The following NEO1 variants were observed in gnomAD, a reference collection of about 807,000 sequenced individuals.
NEO1 encodes neogenin 1.
NEO1 carries 63 observed loss-of-function variants against 159.7 expected under a neutral mutation model. That is an observed-to-expected ratio of 0.39 (90% confidence interval 0.32 to 0.49). The LOEUF (loss-of-function observed/expected upper bound fraction) is 0.49, where lower values mean the gene tolerates loss of function less well. Ranked by LOEUF, NEO1 falls within the 20% of genes least tolerant of loss-of-function variation. NEO1 has a pLI of 0.85. For synonymous variants in NEO1, 633 were observed against 662.0 expected (o/e 0.96, Z 0.67); for missense variants, 1,615 against 1,831.0 (o/e 0.88, Z 2.15).
At chr15:73,067,219 A>G (rs2068266166) in intron 1 of NEO1, among the ~76,000 whole-genome samples, 1 of 152,132 alleles carries the variant, frequency 6.6e-6, no homozygotes, top group African/African-American at 2.4e-5. Context: ...GTATTCTTTT[A>G]AGTTTCTTTA....
At chr15:73,176,670 A>T (rs758233986) in intron 6 of NEO1, 113 bp downstream of exon 6, 9 of 723,408 alleles carry the variant, frequency 1.2e-5, no homozygotes, top group Non-Finnish European at 1.9e-5. Context: ...TGCAAATGAA[A>T]TAGAAGAATT....
At chr15:73,197,736 A>G (rs1596320001) in intron 7 of NEO1, among the ~76,000 whole-genome samples, 2 of 143,858 alleles carry the variant, frequency 1.4e-5, no homozygotes, top group East Asian at 4.2e-4. Flanking sequence ...GCTGGAGTGC[A>G]GTGGCGCAAT....
In NEO1 at chr15:73,096,516, C is replaced by T. The variant is rs374146196; in HGVS notation, c.131-20024C>T. On this transcript the variant is annotated intron_variant, in intron 1 of 28. Coordinates refer to ENST00000261908, the MANE Select transcript of NEO1 (RefSeq NM_002499.4). ...CAGTCAAGAGCAAAGATCATGGCAA[C>T]GGTTTTTTGGGATGGCCAAGGCATA... Among the ~76,000 whole-genome samples the T allele has an allele frequency of 9.3e-4, 142 of 152,232 alleles. 1 individual carries two copies. The highest frequency in any genetic ancestry group is 3.2e-3 in the African/African-American group (133 of 41,526).
intron 1 of NEO1, among the ~76,000 whole-genome samples, chr15:73,095,670 TTTG>T (rs1351470761): frequency 1.9e-5 from 2 of 105,678 alleles, no homozygotes; most frequent in Non-Finnish European, 4.4e-5. Flanking sequence ...TTAGTCTTTA[TTTG>T]TTTTTTTTTT....
Position 73,301,559 on chromosome 15 carries a change from A to T in NEO1, c.4302+102A>T, listed in dbSNP as rs574788870. On this transcript the variant is annotated intron_variant, in intron 28 of 28. Transcript: ENST00000261908. ...ATAATCTGTGCATACCAGGCCCGCC[A>T]CCCAGAACTATGAAGCAGATACACT... 48 of 1,474,522 alleles carry T rather than the reference A, an allele frequency of 3.3e-5. No homozygotes were observed. The East Asian group carries it at 1.0e-3, about 32-fold the overall frequency. 91.3% of individuals were successfully genotyped at this position (1,474,522 alleles called of 1,614,324 possible). A position where few individuals can be genotyped will look rare whatever the true frequency, so the allele number is the denominator to read the frequency against.
intron 7 of NEO1, among the ~76,000 whole-genome samples, chr15:73,208,252 A>G (rs1027933002): frequency 5.3e-5 from 8 of 152,240 alleles, no homozygotes; most frequent in Non-Finnish European, 1.5e-5. Context: ...AATAGTACGT[A>G]GCAAAGAAGT....
intron 7 of NEO1, among the ~76,000 whole-genome samples, chr15:73,201,033 A>G (rs1268849528): frequency 6.6e-6 from 1 of 151,964 alleles, no homozygotes; most frequent in Non-Finnish European, 1.5e-5. Context: ...CCCCTCTTTC[A>G]TATCTGATAT....
rs138874216 is a variant in NEO1 at position 73,165,780 on chromosome 15, G to A, written c.1016-10623G>A. Among the ~76,000 whole-genome samples the A allele has an allele frequency of 2.6e-4, 39 of 152,314 alleles. No individual in the cohort carries two copies. In the East Asian group the frequency reaches 7.5e-3, roughly 29 times the overall value. On this transcript the variant is annotated intron_variant, in intron 5 of 28. Coordinates refer to ENST00000261908, the MANE Select transcript of NEO1 (RefSeq NM_002499.4). ...GCCGTTTTTACAGTTGAATGCAAAG[G>A]CTTTTTAAAAGAAACCAGTGAGGGC...
upstream of NEO1, chr15:73,052,412 G>GC (rs1182316618): frequency 0.027 from 221 of 8,074 alleles, 18 homozygotes; most frequent in Middle Eastern, 0.5. Flanking sequence ...CCGACCCACC[G>GC]CCCCCCCCCC....
At chr15:73,124,044 G>A (rs2071826286) in intron 3 of NEO1, among the ~76,000 whole-genome samples, 1 of 152,054 alleles carries the variant, frequency 6.6e-6, no homozygotes, top group African/African-American at 2.4e-5. Flanking sequence ...GTGTGTGTGA[G>A]CGCCTGTGCA....
intron 1 of NEO1, among the ~76,000 whole-genome samples, chr15:73,060,086 GATAATAGC>G (rs2067905584): frequency 6.6e-6 from 1 of 151,824 alleles, no homozygotes; most frequent in Non-Finnish European, 1.5e-5. Flanking sequence ...GTCTAGTTAA[GATAATAGC>G]ATTATAATTT....
chr15:73,078,797 C>A (rs765877742), intron 1 of NEO1, among the ~76,000 whole-genome samples: 1 of 152,184 alleles, frequency 6.6e-6, no homozygotes, highest in Admixed American at 6.5e-5. Context: ...GCTGGTTAAC[C>A]TCTCTGTGCT....
intron 2 of NEO1, among the ~76,000 whole-genome samples, chr15:73,120,889 T>C (rs1467919575): frequency 2.0e-5 from 3 of 152,146 alleles, no homozygotes; most frequent in African/African-American, 7.2e-5. Flanking sequence ...GGTGCAAGAA[T>C]AGAACCAAGA....
intron 2 of NEO1, among the ~76,000 whole-genome samples, chr15:73,118,752 G>C (rs537736124): frequency 1.3e-5 from 2 of 152,042 alleles, no homozygotes; most frequent in Admixed American, 6.6e-5. Context: ...CTTGGCCCTA[G>C]GTATCAGGAG....
rs866783974 is a variant in NEO1 at position 73,052,689 on chromosome 15, G to T, written c.14G>T (p.Arg5Leu). ...CTCGGGGAAGAGATGGCGGCGGAGCGGGGAGCCCGGCGACTCCTCAGCACC... is the reference window on the plus strand; with the variant it reads ...CTCGGGGAAGAGATGGCGGCGGAGCTGGGAGCCCGGCGACTCCTCAGCACC... Reference protein sequence around the residue: MAAERGARRLLSTPS... With the variant: MAAELGARRLLSTPS... The change falls in exon 1 of 29, where the codon CGG becomes CTG. Residue 5 changes from arginine to leucine, a missense_variant. Around this residue, in one of 3 missense-constraint regions of NEO1, gnomAD observed 1,018 missense variants for 1,115.4 expected, o/e 0.91. Transcript: ENST00000261908. 2.2e-6 allele frequency: 3 copies of T among 1,355,544 alleles called. No homozygotes were observed. Among genetic ancestry groups the T allele is most frequent in the African/African-American group, 1.5e-5 (1 of 65,562 alleles). The allele number at this position is 1,355,544 out of a possible 1,614,324, so 84.0% of individuals were successfully genotyped here.
At chr15:73,128,523 G>C (rs892823112) in intron 4 of NEO1, among the ~76,000 whole-genome samples, 1 of 152,116 alleles carries the variant, frequency 6.6e-6, no homozygotes, top group Non-Finnish European at 1.5e-5. Context: ...CCAAATGCTG[G>C]CTATGTCATG....
At chr15:73,175,071 A>G (rs1301151718) in intron 5 of NEO1, among the ~76,000 whole-genome samples, 1 of 152,154 alleles carries the variant, frequency 6.6e-6, no homozygotes, top group East Asian at 1.9e-4. Flanking sequence ...GGCCTGCTCT[A>G]GACAGTGCAA....
At chr15:73,069,802 T>C (rs966267062) in intron 1 of NEO1, among the ~76,000 whole-genome samples, 1 of 151,898 alleles carries the variant, frequency 6.6e-6, no homozygotes, top group South Asian at 2.1e-4. Flanking sequence ...GAATTCAGAG[T>C]TTAGTAAGGT....
intron 13 of NEO1, chr15:73,256,233 C>T (rs1172282779): frequency 6.6e-6 from 1 of 152,252 alleles, no homozygotes; most frequent in Non-Finnish European, 1.5e-5. Context: ...GGTGCAGTGG[C>T]TGATGCCTAT....
Sources: allele counts gnomAD v4.1 joint callset (sites outside exome capture counted in the v4.1 genomes callset), GRCh38; gene constraint gnomAD v4.1.1; regional missense constraint gnomAD v4.1.1; transcripts MANE v1.5; gene names NCBI Gene and HGNC (gene_info 2026-07-23, HGNC 2026-07-21).